GLRB: variants seen among roughly 807,000 people sequenced by gnomAD.
The protein encoded by GLRB is glycine receptor beta.
Under a neutral mutation model 54.2 loss-of-function variants are expected in GLRB, and 33 were observed. The ratio of observed to expected loss-of-function variants is 0.61; its 90% CI spans 0.46 to 0.81. GLRB has a LOEUF of 0.81. Ranked by LOEUF, GLRB falls within the 40% of genes least tolerant of loss-of-function variation. The pLI is 0.00. For missense variants in GLRB, 572 were observed against 584.6 expected (o/e 0.98, Z 0.22); for synonymous variants, 209 against 208.2 (o/e 1.00, Z -0.03).
At chr4:157,159,802 G>A (rs2126617654) in intron 9 of GLRB, among the ~76,000 whole-genome samples, 1 of 152,084 alleles carries the variant, frequency 6.6e-6, no homozygotes, top group Admixed American at 6.5e-5. Flanking sequence ...CTCTTTTTTT[G>A]TTGTGGCTCT....
intron 4 of GLRB, among the ~76,000 whole-genome samples, chr4:157,130,876 A>G (rs1174286974): frequency 1.3e-5 from 2 of 151,722 alleles, no homozygotes; most frequent in African/African-American, 4.8e-5. Context: ...TCAATGATTT[A>G]TTTGATGCAC....
intron 2 of GLRB, among the ~76,000 whole-genome samples, chr4:157,090,411 T>G (rs1042976242): frequency 6.6e-6 from 1 of 152,218 alleles, no homozygotes; most frequent in African/African-American, 2.4e-5. Context: ...AGCAGGATTC[T>G]CTTATCTGCT....
At chr4:157,165,331 T>C (rs1737665401) in intron 9 of GLRB, among the ~76,000 whole-genome samples, 1 of 152,064 alleles carries the variant, frequency 6.6e-6, no homozygotes, top group Admixed American at 6.5e-5. Flanking sequence ...ATTAAACTTT[T>C]GGTTTCAAAA....
At chr4:157,080,549 A>C (rs1734186973) in intron 2 of GLRB, among the ~76,000 whole-genome samples, 1 of 152,172 alleles carries the variant, frequency 6.6e-6, no homozygotes, top group Admixed American at 6.5e-5. Flanking sequence ...TATCATATCA[A>C]ATTTATTTCA....
chr4:157,142,709 A>G (rs1736662244), intron 7 of GLRB, among the ~76,000 whole-genome samples: 1 of 152,122 alleles, frequency 6.6e-6, no homozygotes, highest in Non-Finnish European at 1.5e-5. Flanking sequence ...TCTTTCCCCC[A>G]TAATTGTTTC....
chr4:157,083,786 A>G (rs534735546), intron 2 of GLRB, among the ~76,000 whole-genome samples: 1 of 152,254 alleles, frequency 6.6e-6, no homozygotes, highest in East Asian at 1.9e-4. Context: ...GGATTTTAAA[A>G]TCTTATTTTT....
rs549141113 is a variant in GLRB, at chr4:157,152,729, G to T, written c.916G>T (p.Val306Phe). The change falls in exon 9 of 10, where the codon GTC becomes TTC. Residue 306 changes from valine to phenylalanine, a missense_variant. By Grantham distance (50) the Val-to-Phe change is conservative (BLOSUM62 -1). Transcript: ENST00000264428. ...TTCTGTTTCTGTAGGTATCTTCTCA[G>T]TCCTCAGCTTGGCCTCTGAGTGCAC... ...AARVPLGIFS[V>F]LSLASECTTL... 11 of 1,613,336 alleles carry T rather than the reference G, an allele frequency of 6.8e-6. No individual in the cohort carries two copies. Among genetic ancestry groups the T allele is most frequent in the Non-Finnish European group, 9.3e-6 (11 of 1,179,420 alleles).
At position 157,077,991 on chromosome 4, in the gene GLRB, T is replaced by G. The variant is rs761288105; in HGVS notation, c.-29-5T>G. 1 of 1,574,362 alleles carries G rather than the reference T, an allele frequency of 6.4e-7. No homozygotes were observed. The highest frequency in any genetic ancestry group is 8.7e-7 in the Non-Finnish European group (1 of 1,146,152). ...ATGTAAACATTTTCTTGTTCTCTCT[T>G]GTAGATCGATCTTCTGAAATTCAAG... On this transcript the variant is annotated splice_region_variant and splice_polypyrimidine_tract_variant and intron_variant, in intron 1 of 9. Transcript: ENST00000264428.
intron 4 of GLRB, among the ~76,000 whole-genome samples, chr4:157,122,872 T>G (rs1287292353): frequency 6.6e-6 from 1 of 151,616 alleles, no homozygotes; most frequent in East Asian, 1.9e-4. Context: ...TTGATTTTCA[T>G]AAGATAGGGC....
intron 4 of GLRB, among the ~76,000 whole-genome samples, chr4:157,127,289 G>A (rs1204855760): frequency 7.3e-5 from 11 of 151,520 alleles, no homozygotes; most frequent in Admixed American, 7.2e-4. Flanking sequence ...AGACATATTT[G>A]TCCCATTTTT....
chr4:157,080,328 T>C (rs970308998), intron 2 of GLRB, among the ~76,000 whole-genome samples: 1 of 152,208 alleles, frequency 6.6e-6, no homozygotes, highest in African/African-American at 2.4e-5. Context: ...ATTTTTACAT[T>C]ATAGGTTTTT....
intron 2 of GLRB, among the ~76,000 whole-genome samples, chr4:157,099,262 C>T (rs1453817922): frequency 1.3e-5 from 2 of 151,798 alleles, no homozygotes; most frequent in East Asian, 1.9e-4. Flanking sequence ...TCTAGGAGTT[C>T]AGGTGAAGTT....
chr4:157,156,921 A>C (rs977998951), intron 9 of GLRB, among the ~76,000 whole-genome samples: 2 of 152,122 alleles, frequency 1.3e-5, no homozygotes, highest in Non-Finnish European at 2.9e-5. Flanking sequence ...TTCTGTTTTA[A>C]CTTGCTTTCT....
chr4:157,106,589 C>T (rs1735234167), intron 2 of GLRB, among the ~76,000 whole-genome samples: 1 of 151,972 alleles, frequency 6.6e-6, no homozygotes, highest in African/African-American at 2.4e-5. Context: ...TTCTCTCTCT[C>T]TCTTTTTTTT....
rs572341676 is a variant in GLRB, at chr4:157,112,123, T to A, written c.123-8433T>A. Among the ~76,000 whole-genome samples, 22 of 152,002 alleles carry A rather than the reference T, an allele frequency of 1.4e-4. No individual in the cohort carries two copies. The South Asian group carries it at 4.6e-3, about 32-fold the overall frequency. On this transcript the variant is annotated intron_variant, in intron 2 of 9. Coordinates refer to ENST00000264428, the MANE Select transcript of GLRB (RefSeq NM_000824.5). Reference sequence around the variant, plus strand: ...TCTCTTTTCAAACAAGTGATTCTTCTGATAATTAAAATCATCTGAAGAGCT... The same window carrying A: ...TCTCTTTTCAAACAAGTGATTCTTCAGATAATTAAAATCATCTGAAGAGCT...
At chr4:157,097,556 G>A (rs1734857951) in intron 2 of GLRB, among the ~76,000 whole-genome samples, 1 of 152,118 alleles carries the variant, frequency 6.6e-6, no homozygotes, top group Non-Finnish European at 1.5e-5. Context: ...GCTTTGATGG[G>A]CTATGTATTA....
At chr4:157,126,367 C>T (rs940907596) in intron 4 of GLRB, among the ~76,000 whole-genome samples, 6 of 151,644 alleles carry the variant, frequency 4.0e-5, no homozygotes, top group South Asian at 2.1e-4. Context: ...TGTGGTTATA[C>T]GCTGCTTCAG....
chr4:157,110,391 G>T (rs993811518), intron 2 of GLRB, among the ~76,000 whole-genome samples: 3 of 151,008 alleles, frequency 2.0e-5, no homozygotes, highest in South Asian at 4.2e-4. Context: ...CTTTATGTTT[G>T]CTCATTCTTT....
intron 4 of GLRB, 121 bp downstream of exon 4, chr4:157,122,518 A>C (rs1735863866): frequency 2.3e-6 from 1 of 426,200 alleles, no homozygotes; most frequent in Non-Finnish European, 4.4e-6. Context: ...CTAGTATAAA[A>C]TGTCCAAATT....
Sources: allele counts gnomAD v4.1 joint callset (sites outside exome capture counted in the v4.1 genomes callset), GRCh38; gene constraint gnomAD v4.1.1; transcripts MANE v1.5; gene names NCBI Gene and HGNC (gene_info 2026-07-23, HGNC 2026-07-21).